ERC1: variants seen among roughly 807,000 people sequenced by gnomAD.
ERC1 encodes ELKS/RAB6-interacting/CAST family member 1, also known as RAB6 interacting protein 2.
ERC1 carries 56 observed loss-of-function variants against 132.0 expected under a neutral mutation model. The ratio of observed to expected loss-of-function variants is 0.42; its 90% CI spans 0.34 to 0.53. The LOEUF (loss-of-function observed/expected upper bound fraction) is 0.53, where lower values mean the gene tolerates loss of function less well. ERC1 is among the 20% of genes least tolerant of loss of function. ERC1 has a pLI of 0.03. For missense variants in ERC1, 1,202 were observed against 1,349.9 expected, an observed-to-expected ratio of 0.89 and a Z score of 1.72; for synonymous variants, 478 against 476.1, an observed-to-expected ratio of 1.00 and a Z score of -0.05.
intron 12 of ERC1, among the ~76,000 whole-genome samples, chr12:1,206,167 C>G (rs1009463125): frequency 1.3e-5 from 2 of 152,054 alleles, no homozygotes; most frequent in Admixed American, 6.5e-5. Context: ...AGTTTAAAGT[C>G]TCTCTTCATT....
rs116714925 is a variant in ERC1, at chr12:1,381,953, C to T, written c.2925+9976C>T. Among the ~76,000 whole-genome samples the T allele has an allele frequency of 6.1e-3, 922 of 152,274 alleles. 12 individuals are homozygous for T. Among genetic ancestry groups the T allele is most frequent in the African/African-American group, 0.021 (890 of 41,534 alleles). ...GAGAGAAAGAGAAAGAAACTTTTCA[C>T]TTGGACTAGAGTTGTTAATTGTATT... On this transcript the variant is annotated intron_variant, in intron 16 of 18. Transcript: ENST00000360905.
At chr12:1,449,855 C>A (rs1458566783) in intron 18 of ERC1, among the ~76,000 whole-genome samples, 1 of 151,562 alleles carries the variant, frequency 6.6e-6, no homozygotes, top group Non-Finnish European at 1.5e-5. Context: ...TTTTTGTTTT[C>A]TTTTAAAGTA....
chr12:1,109,150 C>A (rs1945573275), intron 4 of ERC1, among the ~76,000 whole-genome samples: 1 of 152,154 alleles, frequency 6.6e-6, no homozygotes, highest in South Asian at 2.1e-4. Flanking sequence ...TTCTGTAATT[C>A]ATGACATGTA....
intron 14 of ERC1, among the ~76,000 whole-genome samples, chr12:1,278,762 C>T (rs1048974117): frequency 6.6e-6 from 1 of 152,060 alleles, no homozygotes; most frequent in Admixed American, 6.6e-5. Flanking sequence ...AAATAATTAC[C>T]TTGTGTTTAT....
intron 14 of ERC1, among the ~76,000 whole-genome samples, chr12:1,278,859 A>G (rs896222391): frequency 6.6e-6 from 1 of 152,230 alleles, no homozygotes; most frequent in Non-Finnish European, 1.5e-5. Context: ...AGGCAGCAAC[A>G]TGAACTCTTT....
chr12:1,001,826 A>G (rs970264869), intron 1 of ERC1, among the ~76,000 whole-genome samples: 1 of 139,822 alleles, frequency 7.2e-6, no homozygotes, highest in Non-Finnish European at 1.6e-5. Flanking sequence ...ATTATGGATT[A>G]TGCCACTATG....
intron 18 of ERC1, among the ~76,000 whole-genome samples, chr12:1,475,534 G>A (rs1004745581): frequency 2.6e-5 from 4 of 151,924 alleles, no homozygotes; most frequent in Non-Finnish European, 4.4e-5. Context: ...GAAAGATAGA[G>A]AAGAAAGATG....
chr12:1,000,301 G>T (rs777777322), intron 1 of ERC1, among the ~76,000 whole-genome samples: 1 of 151,928 alleles, frequency 6.6e-6, no homozygotes. Context: ...CCTGAGCAAC[G>T]TGGCGAAACC....
At chr12:1,395,458 G>A (rs1420271763) in intron 16 of ERC1, among the ~76,000 whole-genome samples, 1 of 148,488 alleles carries the variant, frequency 6.7e-6, no homozygotes, top group South Asian at 2.1e-4. Context: ...TTATCCTTGT[G>A]TTAATATATG....
In ERC1 at chr12:1,196,974, ATATTT is replaced by A. The variant is rs1405619582; in HGVS notation, c.2351+6924_2351+6928del. Among the ~76,000 whole-genome samples the A allele has an allele frequency of 1.3e-4, 7 of 52,134 alleles. 1 individual carries two copies. Among genetic ancestry groups the A allele is most frequent in the African/African-American group, 4.8e-4 (3 of 6,202 alleles). The allele number at this position is 52,134 out of a possible 152,430, so 34.2% of individuals were successfully genotyped here. A position where few individuals can be genotyped will look rare whatever the true frequency, so the allele number is the denominator to read the frequency against. ...CACACACACACACATATATATATAT[ATATTT>A]TTTTTTTTTTTTTTTTTTTAAGACA... On this transcript the variant is annotated intron_variant, in intron 12 of 18. Coordinates refer to ENST00000360905, the MANE Select transcript of ERC1 (RefSeq NM_178040.4).
At chr12:1,322,483 G>GA (rs1048777452) in intron 15 of ERC1, among the ~76,000 whole-genome samples, 2 of 152,064 alleles carry the variant, frequency 1.3e-5, no homozygotes, top group African/African-American at 4.8e-5. Context: ...TTTTCTATGA[G>GA]AAAAAATGAG....
Position 1,028,062 on chromosome 12 carries a change from C to T in ERC1, c.159C>T (p.Thr53=). The T allele has an allele frequency of 6.2e-7, 1 of 1,614,136 alleles. No individual in the cohort carries two copies. Among genetic ancestry groups the T allele is most frequent in the Admixed American group, 1.7e-5 (1 of 60,006 alleles). The part of the protein sequence containing the change: ...GSSVGGGSGK[T]LSMENIQSLN... ...GTGTTGGAGGTGGCAGTGGGAAAAC[C>T]CTTTCAATGGAAAATATACAATCTT... Residue 53 remains threonine, a synonymous_variant, in exon 2 of 19, where the codon ACC becomes ACT. Coordinates refer to ENST00000360905, the MANE Select transcript of ERC1 (RefSeq NM_178040.4).
chr12:1,349,452 A>T (rs1385950569), intron 15 of ERC1, among the ~76,000 whole-genome samples: 1 of 152,144 alleles, frequency 6.6e-6, no homozygotes, highest in Non-Finnish European at 1.5e-5. Flanking sequence ...TCATGAGATC[A>T]GGAGTCCAAG....
intron 10 of ERC1, among the ~76,000 whole-genome samples, chr12:1,182,439 C>G (rs1335896050): frequency 6.6e-6 from 1 of 152,188 alleles, no homozygotes; most frequent in Non-Finnish European, 1.5e-5. Context: ...TCAAAGAACA[C>G]AACAGCTATT....
At chr12:1,128,619 C>T (rs1346663179) in intron 7 of ERC1, among the ~76,000 whole-genome samples, 1 of 152,096 alleles carries the variant, frequency 6.6e-6, no homozygotes, top group Non-Finnish European at 1.5e-5. Flanking sequence ...TCAGTTTTCT[C>T]ATCTGTGAGA....
intron 2 of ERC1, among the ~76,000 whole-genome samples, chr12:1,056,638 T>C (rs1220477118): frequency 6.6e-6 from 1 of 152,180 alleles, no homozygotes; most frequent in East Asian, 1.9e-4. Context: ...TCTTTTATTA[T>C]GCAGATGGCT....
intron 3 of ERC1, among the ~76,000 whole-genome samples, chr12:1,084,310 A>G (rs1268704570): frequency 1.3e-5 from 2 of 152,234 alleles, no homozygotes; most frequent in African/African-American, 4.8e-5. Flanking sequence ...ACTTTTGGGC[A>G]GGGGAAAATA....
intron 16 of ERC1, among the ~76,000 whole-genome samples, chr12:1,403,648 G>A (rs12813405): frequency 6.6e-6 from 1 of 151,634 alleles, no homozygotes; most frequent in African/African-American, 2.4e-5. Context: ...GGAATCTTTG[G>A]TCTTATCTGT....
chr12:1,451,695 C>A (rs2093428310), intron 18 of ERC1, among the ~76,000 whole-genome samples: 1 of 152,062 alleles, frequency 6.6e-6, no homozygotes, highest in African/African-American at 2.4e-5. Context: ...TAGTACACAT[C>A]TGCTGGTAAT....
Sources: gnomAD v4.1 joint callset for allele counts (sites outside exome capture counted in the v4.1 genomes callset) on GRCh38, gnomAD v4.1.1 for gene constraint, MANE v1.5 for transcripts, NCBI Gene and HGNC (gene_info 2026-07-23, HGNC 2026-07-21) for gene names.